Variants in MFSD6 observed in about 807,000 individuals in gnomAD.
The protein encoded by MFSD6 is major facilitator superfamily domain containing 6.
Under a neutral mutation model 56.3 loss-of-function variants are expected in MFSD6, and 26 were observed. The observed-to-expected ratio is 0.46, with a 90% CI of 0.34 to 0.64. MFSD6 has a LOEUF of 0.64. Among genes scored for constraint, MFSD6 ranks in the 30% least tolerant of loss-of-function variants. The probability of loss-of-function intolerance (pLI) is 0.01; values close to 1 mark genes in which losing one functional copy is unlikely to be tolerated. For synonymous variants in MFSD6, 331 were observed against 366.9 expected (o/e 0.90, Z 1.12); for missense variants, 750 against 986.2 (o/e 0.76, Z 3.21).
Position 190,463,602 on chromosome 2 carries a change from C to T in MFSD6, c.1533-6156C>T, listed in dbSNP as rs1687442016. ...TTGGGAGGCTGAGATAGGAGGATTGCTTGAGCCCAGGAGTTCATGACCAGC... is the reference window on the plus strand; with the variant it reads ...TTGGGAGGCTGAGATAGGAGGATTGTTTGAGCCCAGGAGTTCATGACCAGC... On this transcript the variant is annotated intron_variant, in intron 3 of 7. Coordinates refer to ENST00000392328, the MANE Select transcript of MFSD6 (RefSeq NM_017694.4). The surrounding 1 kb of genome is among the most constrained non-coding windows in gnomAD (Gnocchi z 4.4). 6.6e-6 allele frequency among the ~76,000 whole-genome samples: 1 copy of T among 152,188 alleles called. No individual in the cohort carries two copies. Among genetic ancestry groups the T allele is most frequent in the Non-Finnish European group, 1.5e-5 (1 of 68,024 alleles).
In MFSD6 at chr2:190,471,460, G is replaced by C. The variant is rs1687923148; in HGVS notation, c.1630+1605G>C. ...GAGATTATATCCCGCACCTGGCTTG[G>C]AGGGTCCTACGCCCACGGAGCCTCC... On this transcript the variant is annotated intron_variant, in intron 4 of 7. Coordinates refer to ENST00000392328, the MANE Select transcript of MFSD6 (RefSeq NM_017694.4). The surrounding 1 kb of genome is among the most constrained non-coding windows in gnomAD (Gnocchi z 4.7). 6.6e-6 allele frequency among the ~76,000 whole-genome samples: 1 copy of C among 152,224 alleles called. No individual in the cohort carries two copies. The highest frequency in any genetic ancestry group is 1.9e-4 in the East Asian group (1 of 5,202).
rs185498978 is a variant in MFSD6, at chr2:190,497,985, T to A, written c.2172+266T>A. The A allele has an allele frequency of 1.1e-4, 36 of 314,504 alleles. No homozygotes were observed. In the East Asian group the frequency reaches 1.9e-3, roughly 17 times the overall value. The allele number at this position is 314,504 out of a possible 1,614,324, so 19.5% of individuals were successfully genotyped here. A position where few individuals can be genotyped will look rare whatever the true frequency, so the allele number is the denominator to read the frequency against. ...CACTTCTTGAAAGAAATAAAATAAATTAATCCATTCTTTCATTGTATATTT... is the reference window on the plus strand; with the variant it reads ...CACTTCTTGAAAGAAATAAAATAAAATAATCCATTCTTTCATTGTATATTT... On this transcript the variant is annotated intron_variant, in intron 7 of 7. Transcript: ENST00000392328. The surrounding 1 kb of genome is among the most constrained non-coding windows in gnomAD (Gnocchi z 5.2).
intron 3 of MFSD6, among the ~76,000 whole-genome samples, chr2:190,446,924 C>T (rs912183749): frequency 1.3e-5 from 2 of 152,214 alleles, no homozygotes; most frequent in African/African-American, 4.8e-5. Context: ...CTGAGGATCT[C>T]TCCCAGTGCA....
rs1049143160 is a variant in MFSD6 at position 190,496,927 on chromosome 2, G to A, written c.1892-512G>A. ...ACTCAGGGGAAAGGGTGGGAAAGGG[G>A]TGAGGGATACAAGACTACAAATTGG... On this transcript the variant is annotated intron_variant, in intron 6 of 7. Transcript: ENST00000392328. This position sits in a 1 kb window ranked among gnomAD's most constrained non-coding sequence, Gnocchi z 4.7. 6.6e-6 allele frequency among the ~76,000 whole-genome samples: 1 copy of A among 152,158 alleles called. No homozygotes were observed. Among genetic ancestry groups the A allele is most frequent in the Non-Finnish European group, 1.5e-5 (1 of 68,020 alleles).
At position 190,459,130 on chromosome 2, in the gene MFSD6, C is replaced by CT. The variant is rs1454471701; in HGVS notation, c.1533-10622dup. On this transcript the variant is annotated intron_variant, in intron 3 of 7. Coordinates refer to ENST00000392328, the MANE Select transcript of MFSD6 (RefSeq NM_017694.4). This position sits in a 1 kb window ranked among gnomAD's most constrained non-coding sequence, Gnocchi z 5.3. ...TCCCAGAACATCCTATCCAAGACTCCTTTTTTCCTCCCTCCATATTGTGGC... is the reference window on the plus strand; with the variant it reads ...TCCCAGAACATCCTATCCAAGACTCCTTTTTTTCCTCCCTCCATATTGTGGC... Among the ~76,000 whole-genome samples, 4 of 152,158 alleles carry CT rather than the reference C, an allele frequency of 2.6e-5. No homozygotes were observed. Among genetic ancestry groups the CT allele is most frequent in the Non-Finnish European group, 5.9e-5 (4 of 68,016 alleles).
At chr2:190,411,923 A>G in intron 1 of MFSD6, 4 of 985,358 alleles carry the variant, frequency 4.1e-6, no homozygotes, top group Non-Finnish European at 4.8e-6. Context: ...TGTCTTTGGA[A>G]GCATGATTGT....
chr2:190,500,264 G>C lies in MFSD6; in HGVS notation c.*46G>C. 6.2e-7 allele frequency: 1 copy of C among 1,605,030 alleles called. No individual in the cohort carries two copies. ...ACCCTGCATGGAATCAGGCTCCTCA[G>C]CCAGGACACAGGGTGAGGCCCCCCA... On this transcript the variant is annotated 3_prime_UTR_variant, in exon 8 of 8. Transcript: ENST00000392328. The surrounding 1 kb of genome is among the most constrained non-coding windows in gnomAD (Gnocchi z 5.3).
Position 190,500,301 on chromosome 2 carries a change from C to G in MFSD6, c.*83C>G. 1 of 1,464,420 alleles carries G rather than the reference C, an allele frequency of 6.8e-7. No homozygotes were observed. The highest frequency in any genetic ancestry group is 9.4e-7 in the Non-Finnish European group (1 of 1,059,536). 90.7% of individuals were successfully genotyped at this position (1,464,420 alleles called of 1,614,324 possible). On this transcript the variant is annotated 3_prime_UTR_variant, in exon 8 of 8. Transcript: ENST00000392328. This position sits in a 1 kb window ranked among gnomAD's most constrained non-coding sequence, Gnocchi z 5.3. ...GGTGAGGCCCCCCAGCCAGGATATGCCTCCCCTGGAGGAGCACAGCACTGC... is the reference window on the plus strand; with the variant it reads ...GGTGAGGCCCCCCAGCCAGGATATGGCTCCCCTGGAGGAGCACAGCACTGC...
intron 4 of MFSD6, among the ~76,000 whole-genome samples, chr2:190,475,163 G>A (rs901760860): frequency 9.7e-4 from 148 of 152,286 alleles, no homozygotes; most frequent in Non-Finnish European, 1.6e-3. Context: ...ACAAGACAGG[G>A]ATGCCCTCTC....
chr2:190,468,453 A>ATT (rs139847075), intron 3 of MFSD6, among the ~76,000 whole-genome samples: 3,214 of 140,008 alleles, frequency 0.023, 42 homozygotes, highest in Non-Finnish European at 0.035. Flanking sequence ...ATAGGAATGA[A>ATT]TTTTTTTTTT....
Position 190,415,516 on chromosome 2 carries a change from C to T in MFSD6, c.-54+103C>T, listed in dbSNP as rs945850634. On this transcript the variant is annotated intron_variant, in intron 2 of 7. Coordinates refer to ENST00000392328, the MANE Select transcript of MFSD6 (RefSeq NM_017694.4). This position sits in a 1 kb window ranked among gnomAD's most constrained non-coding sequence, Gnocchi z 4.5. The stretch of plus-strand genomic sequence containing the variant: ...AACTCCTGGCTTCAAGTGATCCTCC[C>T]GCCTCTGTCTCCCAAAGTGCTGGGA... 3 of 152,198 alleles carry T rather than the reference C, an allele frequency of 2.0e-5. No individual in the cohort carries two copies. Among genetic ancestry groups the T allele is most frequent in the Middle Eastern group, 6.8e-3 (2 of 292 alleles). 9.4% of individuals were successfully genotyped at this position (152,198 alleles called of 1,614,324 possible). A position where few individuals can be genotyped will look rare whatever the true frequency, so the allele number is the denominator to read the frequency against.
At chr2:190,444,331 A>G (rs1326250075) in intron 3 of MFSD6, among the ~76,000 whole-genome samples, 1 of 152,220 alleles carries the variant, frequency 6.6e-6, no homozygotes, top group Non-Finnish European at 1.5e-5. Context: ...AGTTTTTCAC[A>G]GAGGTACGAA....
At chr2:190,449,210 A>G (rs933807893) in intron 3 of MFSD6, among the ~76,000 whole-genome samples, 1 of 152,232 alleles carries the variant, frequency 6.6e-6, no homozygotes, top group Non-Finnish European at 1.5e-5. Flanking sequence ...GCAGTGGCTC[A>G]TGCCTGTAAT....
intron 3 of MFSD6, among the ~76,000 whole-genome samples, chr2:190,446,571 A>T (rs561744704): frequency 1.3e-5 from 2 of 152,206 alleles, no homozygotes; most frequent in Non-Finnish European, 1.5e-5. Context: ...AGTGTCATGA[A>T]GTTTTTAAAA....
At chr2:190,453,995 A>AG (rs1404465741) in intron 3 of MFSD6, 1 of 152,232 alleles carries the variant, frequency 6.6e-6, no homozygotes, top group African/African-American at 2.4e-5. Context: ...TATCTTTTAT[A>AG]GGGAAAATGT....
intron 4 of MFSD6, among the ~76,000 whole-genome samples, chr2:190,472,422 G>A (rs537820680): frequency 3.3e-5 from 5 of 152,328 alleles, no homozygotes; most frequent in Admixed American, 2.0e-4. Flanking sequence ...ACCACGGCAC[G>A]AGAAATAGGT....
At chr2:190,442,059 G>A (rs1478926064) in intron 3 of MFSD6, among the ~76,000 whole-genome samples, 1 of 152,196 alleles carries the variant, frequency 6.6e-6, no homozygotes, top group Non-Finnish European at 1.5e-5. Context: ...AAAGCAAAAA[G>A]ATGGTAGACC....
intron 2 of MFSD6, among the ~76,000 whole-genome samples, chr2:190,432,929 C>G (rs1241122840): frequency 6.6e-6 from 1 of 151,834 alleles, no homozygotes; most frequent in Non-Finnish European, 1.5e-5. Flanking sequence ...AACTCATGAG[C>G]CTTTCAGGGA....
Position 190,438,228 on chromosome 2 carries a change from C to A in MFSD6, c.1532+667C>A, listed in dbSNP as rs1307633850. On this transcript the variant is annotated intron_variant, in intron 3 of 7. Transcript: ENST00000392328. This position sits in a 1 kb window ranked among gnomAD's most constrained non-coding sequence, Gnocchi z 5.2. ...TTCTTTTAGTTATAAAAAAAAAAAT[C>A]TATAGGCTGGGCACAGTGGCTCACA... 1.4e-5 allele frequency among the ~76,000 whole-genome samples: 2 copies of A among 142,332 alleles called. No homozygotes were observed. Among genetic ancestry groups the A allele is most frequent in the Admixed American group, 1.4e-4 (2 of 14,082 alleles). 93.4% of individuals were successfully genotyped at this position (142,332 alleles called of 152,430 possible). A position where few individuals can be genotyped will look rare whatever the true frequency, so the allele number is the denominator to read the frequency against.
Sources: allele counts gnomAD v4.1 joint callset (sites outside exome capture counted in the v4.1 genomes callset), GRCh38; gene constraint gnomAD v4.1.1; non-coding constraint Gnocchi (gnomAD v3.1); transcripts MANE v1.5; gene names NCBI Gene and HGNC (gene_info 2026-07-23, HGNC 2026-07-21).